Variants in DPP3 observed in about 807,000 individuals in gnomAD.
DPP3 encodes the protein dipeptidyl peptidase 3.
Under a neutral mutation model 89.8 loss-of-function variants are expected in DPP3, and 64 were observed. The ratio of observed to expected loss-of-function variants is 0.71; its 90% confidence interval spans 0.58 to 0.88. The LOEUF (loss-of-function observed/expected upper bound fraction) is 0.88, where lower values mean the gene tolerates loss of function less well. DPP3 is among the 40% of genes least tolerant of loss of function. DPP3 has a pLI of 0.00. For missense variants in DPP3, 835 were observed against 972.5 expected, an observed-to-expected ratio of 0.86 and a Z score of 1.88; for synonymous variants, 377 against 404.3, an observed-to-expected ratio of 0.93 and a Z score of 0.81.
At chr11:66,485,293 G>A in intron 3 of DPP3, 31 bp downstream of exon 3, 1 of 1,531,530 alleles carries the variant, frequency 6.5e-7, no homozygotes, top group Non-Finnish European at 9.0e-7. Context: ...GGAAGGTGGG[G>A]ATGGGGGGCT....
chr11:66,496,666 G>A (rs890587331), intron 15 of DPP3, among the ~76,000 whole-genome samples: 1 of 151,980 alleles, frequency 6.6e-6, no homozygotes, highest in Non-Finnish European at 1.5e-5. Flanking sequence ...CGCCCGCCTC[G>A]GCCTCCCAAA....
rs551556061 is a variant in DPP3, at chr11:66,484,223, G to A, written c.271-950G>A. ...AATCTCCTGACCTCGTGATCTGCCCGCCTCGGCCTCCCAGAGTGCTTGGGA... is the reference window on the plus strand; with the variant it reads ...AATCTCCTGACCTCGTGATCTGCCCACCTCGGCCTCCCAGAGTGCTTGGGA... On this transcript the variant is annotated intron_variant, in intron 2 of 17. Coordinates refer to ENST00000531863, the MANE Select transcript of DPP3 (RefSeq NM_130443.4). 3.9e-5 allele frequency among the ~76,000 whole-genome samples: 6 copies of A among 152,216 alleles called. No homozygotes were observed. The South Asian group carries it at 6.2e-4, about 16-fold the overall frequency.
chr11:66,504,928 C>T (rs908096999), intron 17 of DPP3, 154 bp downstream of exon 17: 2 of 725,774 alleles, frequency 2.8e-6, no homozygotes, highest in Middle Eastern at 4.2e-4. Context: ...CCATGCCAAA[C>T]CTCAGGCCCT....
intron 2 of DPP3, among the ~76,000 whole-genome samples, chr11:66,484,432 A>G (rs1457279756): frequency 6.6e-6 from 1 of 152,110 alleles, no homozygotes; most frequent in Non-Finnish European, 1.5e-5. Context: ...ACTGGGATGC[A>G]GTCTTCGTCT....
In DPP3 at chr11:66,492,925, C is replaced by T. The variant is rs1309359278; in HGVS notation, c.1183+15C>T. On this transcript the variant is annotated intron_variant, in intron 10 of 17. Coordinates refer to ENST00000531863, the MANE Select transcript of DPP3 (RefSeq NM_130443.4). ...CATCCCCAACTGTGAGTGTCTCAGG[C>T]CCAGCCCCCGAGCCCCAGAAACCTT... 1.9e-6 allele frequency: 3 copies of T among 1,600,898 alleles called. No individual in the cohort carries two copies. The Admixed American group carries it at 5.1e-5, about 27-fold the overall frequency.
At chr11:66,500,764 A>C (rs1266220864) in intron 16 of DPP3, among the ~76,000 whole-genome samples, 1 of 152,194 alleles carries the variant, frequency 6.6e-6, no homozygotes, top group Non-Finnish European at 1.5e-5. Context: ...CATTATTAGC[A>C]AAAAGCACCG....
intron 6 of DPP3, among the ~76,000 whole-genome samples, chr11:66,490,037 G>C (rs117741368): frequency 0.02 from 3,029 of 151,162 alleles, 70 homozygotes; most frequent in Non-Finnish European, 0.026. Flanking sequence ...AGTTGAGCTG[G>C]ATATGATGGC....
intron 15 of DPP3, 70 bp from the exon 16 acceptor site, chr11:66,497,228 G>A: frequency 1.3e-6 from 2 of 1,544,656 alleles, no homozygotes; most frequent in Non-Finnish European, 1.7e-6. Context: ...CAAGGACCAA[G>A]CCAAGGACCA....
intron 16 of DPP3, among the ~76,000 whole-genome samples, chr11:66,498,086 C>T (rs1855585955): frequency 1.3e-5 from 2 of 148,312 alleles, no homozygotes; most frequent in African/African-American, 5.0e-5. Flanking sequence ...GCTTTCACCA[C>T]CACGCCCGGC....
In DPP3 at chr11:66,487,353, A is replaced by G; in HGVS notation, c.573+11A>G. On this transcript the variant is annotated intron_variant, in intron 5 of 17. Coordinates refer to ENST00000531863, the MANE Select transcript of DPP3 (RefSeq NM_130443.4). The stretch of plus-strand genomic sequence containing the variant: ...TTTCTGGACTCACAGGTTTGGGGTT[A>G]GGGGAGCTCAAGGTAGCAGAGGTTT... The G allele has an allele frequency of 6.2e-7, 1 of 1,613,740 alleles. No individual in the cohort carries two copies.
chr11:66,500,807 G>A (rs1262776188), intron 16 of DPP3, among the ~76,000 whole-genome samples: 1 of 152,236 alleles, frequency 6.6e-6, no homozygotes, highest in Non-Finnish European at 1.5e-5. Context: ...TGTAATCCCA[G>A]CACTATGGGA....
intron 16 of DPP3, among the ~76,000 whole-genome samples, chr11:66,502,894 G>A (rs1031402154): frequency 2.7e-5 from 4 of 150,138 alleles, no homozygotes; most frequent in African/African-American, 7.4e-5. Context: ...CCACCCGCCC[G>A]GCCCGAGTGT....
intron 17 of DPP3, among the ~76,000 whole-genome samples, chr11:66,508,240 G>T (rs1012228427): frequency 6.6e-6 from 1 of 152,164 alleles, no homozygotes; most frequent in Non-Finnish European, 1.5e-5. Context: ...TGCTTCCCGG[G>T]GGTATTCAGG....
chr11:66,508,954 G>A, intron 17 of DPP3, 125 bp from the exon 18 acceptor site: 2 of 1,249,284 alleles, frequency 1.6e-6, no homozygotes, highest in Non-Finnish European at 2.2e-6. Context: ...GTAGAGCACA[G>A]GTTTTTTTGG....
rs1855759366 is a variant in DPP3, at chr11:66,504,691, A to C, written c.1958A>C (p.Glu653Ala). Residue 653 changes from glutamate to alanine, a missense_variant, in exon 17 of 18, where the codon GAG (glutamate) becomes GCG (alanine). Coordinates refer to ENST00000531863, the MANE Select transcript of DPP3 (RefSeq NM_130443.4). Reference protein sequence around the residue: ...GYATVTDAPPECFLTLRDTVL... With the variant: ...GYATVTDAPPACFLTLRDTVL... ...GCAACAGTCACTGATGCGCCCCCCG[A>C]GTGCTTCCTCACCCTCAGGGACACG... The C allele has an allele frequency of 6.2e-7, 1 of 1,613,186 alleles. No homozygotes were observed. Among genetic ancestry groups the C allele is most frequent in the Non-Finnish European group, 8.5e-7 (1 of 1,179,870 alleles).
At chr11:66,505,351 A>G (rs1225289349) in intron 17 of DPP3, among the ~76,000 whole-genome samples, 1 of 152,124 alleles carries the variant, frequency 6.6e-6, no homozygotes, top group Non-Finnish European at 1.5e-5. Flanking sequence ...CTTTCCTGCT[A>G]CTTGTCACTT....
chr11:66,497,435 T>C lies in DPP3; in HGVS notation c.1836T>C (p.Ser612=). The change falls in exon 16 of 18, where the codon TCT becomes TCC. Residue 612 remains serine, a synonymous_variant. Transcript: ENST00000531863. The stretch of plus-strand genomic sequence containing the variant: ...GCCTCGACCGCAGCAAGATCCGGTC[T>C]GTGGGCAAGCCTGCTCTAGAGCGCT... The part of the protein sequence containing the change: ...RVRLDRSKIR[S]VGKPALERFL... The C allele has an allele frequency of 1.2e-6, 2 of 1,614,038 alleles. No homozygotes were observed. Among genetic ancestry groups the C allele is most frequent in the South Asian group, 1.1e-5 (1 of 91,086 alleles).
At position 66,492,910 on chromosome 11, in the gene DPP3, T is replaced by G; in HGVS notation, c.1183T>G (p.Tyr395Asp). The change falls in exon 10 of 18, where the codon TAC becomes GAC. Residue 395 changes from tyrosine to aspartate, a missense_variant and splice_region_variant. Transcript: ENST00000531863. The stretch of plus-strand genomic sequence containing the variant: ...CCCTGCCGGCATCAACATCCCCAAC[T>G]GTGAGTGTCTCAGGCCCAGCCCCCG... ...GIPAGINIPN[Y>D]DDLRQTEGFK... is the part of the protein sequence containing the mutation. The G allele has an allele frequency of 6.2e-7, 1 of 1,608,712 alleles. No homozygotes were observed. Among genetic ancestry groups the G allele is most frequent in the Non-Finnish European group, 8.5e-7 (1 of 1,177,098 alleles).
At chr11:66,482,092 A>G (rs746076786) in intron 1 of DPP3, 101 bp from the exon 2 acceptor site, 2 of 1,486,262 alleles carry the variant, frequency 1.3e-6, no homozygotes, top group East Asian at 2.4e-5. Flanking sequence ...TCCCTTCCAC[A>G]TGGGCTTTTG....
Sources: allele counts gnomAD v4.1 joint callset (sites outside exome capture counted in the v4.1 genomes callset), GRCh38; gene constraint gnomAD v4.1.1; transcripts MANE v1.5; gene names NCBI Gene and HGNC (gene_info 2026-07-23, HGNC 2026-07-21).